The following PTPRN2 variants were observed in gnomAD, a reference collection of about 807,000 sequenced individuals.
PTPRN2 encodes the protein receptor-type tyrosine-protein phosphatase N2.
Under a neutral mutation model 118.8 loss-of-function variants are expected in PTPRN2, and 74 were observed. The observed-to-expected ratio is 0.62, with a 90% CI of 0.52 to 0.76. The LOEUF is 0.76. Ranked by LOEUF, PTPRN2 falls within the 30% of genes least tolerant of loss-of-function variation. The probability of loss-of-function intolerance (pLI) is 0.00; values close to 1 mark genes in which losing one functional copy is unlikely to be tolerated. For synonymous variants in PTPRN2, 641 were observed against 608.0 expected (o/e 1.05, Z -0.80); for missense variants, 1,481 against 1,394.4 (o/e 1.06, Z -0.99).
chr7:157,847,243 T>C (rs1421550170), intron 12 of PTPRN2, among the ~76,000 whole-genome samples: 6 of 110,798 alleles, frequency 5.4e-5, no homozygotes, highest in African/African-American at 1.0e-4. Context: ...TGCCCGATGT[T>C]TACAGAGCCC....
rs1481995617 is a variant in PTPRN2, at chr7:158,233,033, C to T, written c.278-27760G>A. On this transcript the variant is annotated intron_variant, in intron 3 of 22. Coordinates refer to ENST00000389418, the MANE Select transcript of PTPRN2 (RefSeq NM_002847.5). ...ATTTGGAGCAAGACAAGGATGTTCA[C>T]TTTCACCATTTTTATACAACATAGC... 2.6e-5 allele frequency among the ~76,000 whole-genome samples: 4 copies of T among 152,200 alleles called. No individual in the cohort carries two copies. In the East Asian group the frequency reaches 7.7e-4, roughly 29 times the overall value.
At chr7:158,175,616 A>G (rs1011294120) in intron 5 of PTPRN2, among the ~76,000 whole-genome samples, 3 of 152,014 alleles carry the variant, frequency 2.0e-5, no homozygotes, top group Non-Finnish European at 4.4e-5. Flanking sequence ...AGACAAAATA[A>G]CTTTTTTGCA....
intron 12 of PTPRN2, among the ~76,000 whole-genome samples, chr7:157,702,145 G>A (rs1283817569): frequency 9.5e-5 from 14 of 147,394 alleles, no homozygotes; most frequent in African/African-American, 2.8e-4. Flanking sequence ...AAGCCCGGTC[G>A]GTCCTGGTGT....
At chr7:158,354,669 C>T (rs760594457) in intron 2 of PTPRN2, among the ~76,000 whole-genome samples, 3 of 152,066 alleles carry the variant, frequency 2.0e-5, no homozygotes, top group African/African-American at 7.2e-5. Flanking sequence ...AGACAACCTA[C>T]AAGATAGAGA....
rs189097447 is a variant in PTPRN2 at position 158,078,643 on chromosome 7, G to A, written c.1723+2655C>T. On this transcript the variant is annotated intron_variant, in intron 11 of 22. Coordinates refer to ENST00000389418, the MANE Select transcript of PTPRN2 (RefSeq NM_002847.5). Reference sequence around the variant, plus strand: ...TCCCAAGGCCAATGGGCCAGTCACCGTGCTAAGCGCTCTCCCGAGGCTGAT... The same window carrying A: ...TCCCAAGGCCAATGGGCCAGTCACCATGCTAAGCGCTCTCCCGAGGCTGAT... Among the ~76,000 whole-genome samples the A allele has an allele frequency of 4.9e-3, 743 of 152,106 alleles. 7 individuals carry two copies. Among genetic ancestry groups the A allele is most frequent in the Non-Finnish European group, 8.9e-3 (604 of 67,986 alleles).
At chr7:158,372,198 G>A (rs7777429) in intron 2 of PTPRN2, among the ~76,000 whole-genome samples, 95,186 of 142,850 alleles carry the variant, frequency 0.67, 32,461 homozygotes, top group East Asian at 0.83. Flanking sequence ...GACCCCCAAC[G>A]CTGGTCCCCG....
intron 2 of PTPRN2, among the ~76,000 whole-genome samples, chr7:158,376,093 G>A (rs1263047143): frequency 2.0e-5 from 3 of 152,172 alleles, no homozygotes; most frequent in African/African-American, 4.8e-5. Flanking sequence ...GGCTTTGGGA[G>A]TCACAGACAC....
intron 12 of PTPRN2, among the ~76,000 whole-genome samples, chr7:157,722,026 GC>G (rs1057488321): frequency 2.0e-5 from 3 of 152,194 alleles, no homozygotes; most frequent in African/African-American, 7.2e-5. Context: ...CTTCAGTCTC[GC>G]CCCCCACCCC....
At chr7:158,092,194 G>GTA (rs1362620334) in intron 10 of PTPRN2, among the ~76,000 whole-genome samples, 1 of 150,342 alleles carries the variant, frequency 6.7e-6, no homozygotes, top group Admixed American at 6.6e-5. Context: ...ACATATACAT[G>GTA]TATATGTGTG....
At chr7:158,568,873 C>T (rs567485702) in intron 1 of PTPRN2, among the ~76,000 whole-genome samples, 1 of 152,122 alleles carries the variant, frequency 6.6e-6, no homozygotes, top group Non-Finnish European at 1.5e-5. Flanking sequence ...CACCTGTAAT[C>T]CCAACACTTC....
intron 2 of PTPRN2, among the ~76,000 whole-genome samples, chr7:158,366,073 A>G (rs1809470153): frequency 6.9e-6 from 1 of 144,512 alleles, no homozygotes; most frequent in African/African-American, 2.6e-5. Context: ...GCACGCGTGC[A>G]CACACACACG....
chr7:157,870,736 A>G (rs1237950873), intron 12 of PTPRN2, among the ~76,000 whole-genome samples: 1 of 152,168 alleles, frequency 6.6e-6, no homozygotes, highest in Admixed American at 6.5e-5. Context: ...GGCTGAACTC[A>G]GAGTAATGCC....
At chr7:158,334,575 CAG>C (rs1357891071) in intron 2 of PTPRN2, among the ~76,000 whole-genome samples, 1 of 106,952 alleles carries the variant, frequency 9.3e-6, no homozygotes, top group Non-Finnish European at 2.1e-5. Context: ...CTCTCGCCCA[CAG>C]AGGTCACTCA....
At chr7:158,413,483 A>G (rs1359269422) in intron 2 of PTPRN2, among the ~76,000 whole-genome samples, 9 of 152,346 alleles carry the variant, frequency 5.9e-5, no homozygotes, top group Admixed American at 5.9e-4. Context: ...CAACTAGGAA[A>G]CTGGCCACTG....
At chr7:158,069,877 G>C (rs1420334220) in intron 11 of PTPRN2, among the ~76,000 whole-genome samples, 1 of 152,196 alleles carries the variant, frequency 6.6e-6, no homozygotes, top group Admixed American at 6.5e-5. Flanking sequence ...CACTTCATTT[G>C]ATCTGAATGC....
At chr7:158,552,453 T>C (rs1334672289) in intron 1 of PTPRN2, among the ~76,000 whole-genome samples, 2 of 152,212 alleles carry the variant, frequency 1.3e-5, no homozygotes, top group Non-Finnish European at 2.9e-5. Flanking sequence ...AGAGACTAGG[T>C]CTTACTCTGT....
chr7:158,246,748 C>T lies in PTPRN2; in HGVS notation c.278-41475G>A, dbSNP rs182776500. 2.7e-3 allele frequency among the ~76,000 whole-genome samples: 414 copies of T among 152,104 alleles called. 10 individuals are homozygous for T. The highest frequency in any genetic ancestry group is 9.1e-3 in the African/African-American group (378 of 41,450). ...GGGAGGGCTCTGATGACAGCAACGA[C>T]GACAGTGAATCCAGGGGTGACGTCC... is the stretch of plus-strand genomic sequence containing the variant. On this transcript the variant is annotated intron_variant, in intron 3 of 22. Transcript: ENST00000389418.
chr7:158,297,708 ACAC>A (rs996206287), intron 3 of PTPRN2, among the ~76,000 whole-genome samples: 11 of 152,352 alleles, frequency 7.2e-5, no homozygotes, highest in Admixed American at 1.3e-4. Flanking sequence ...CTACAGGTGC[ACAC>A]CACACGTGCC....
chr7:158,044,461 C>T lies in PTPRN2; in HGVS notation c.1723+36837G>A, dbSNP rs1808695696. 2.6e-5 allele frequency among the ~76,000 whole-genome samples: 4 copies of T among 152,322 alleles called. No individual in the cohort carries two copies. The South Asian group carries it at 8.3e-4, about 32-fold the overall frequency. ...AATGTGTGTGTCTTTCTTTTTCCTA[C>T]TAAATGGGAACGTGTTGGAGCTTGG... On this transcript the variant is annotated intron_variant, in intron 11 of 22. Transcript: ENST00000389418.
Sources: gnomAD v4.1 joint callset for allele counts (sites outside exome capture counted in the v4.1 genomes callset) on GRCh38, gnomAD v4.1.1 for gene constraint, MANE v1.5 for transcripts, NCBI Gene and HGNC (gene_info 2026-07-23, HGNC 2026-07-21) for gene names.